ADGRL1: variants seen among roughly 807,000 people sequenced by gnomAD.
ADGRL1 encodes adhesion G protein-coupled receptor L1, also known as CIRL-1.
ADGRL1 carries 31 observed loss-of-function variants against 148.9 expected under a neutral mutation model. That is an observed-to-expected ratio of 0.21 (90% confidence interval 0.16 to 0.28). The LOEUF (loss-of-function observed/expected upper bound fraction) is 0.28. ADGRL1 is among the 10% of genes least tolerant of loss of function. The pLI, the probability that ADGRL1 is intolerant of heterozygous loss-of-function variation, is 1.00. For missense variants in ADGRL1, 1,521 were observed against 2,058.8 expected (o/e 0.74, Z 5.05); for synonymous variants, 937 against 900.3 (o/e 1.04, Z -0.73).
intron 1 of ADGRL1, chr19:14,191,399 A>G (rs1971930434): frequency 2.2e-6 from 1 of 456,612 alleles, no homozygotes; most frequent in African/African-American, 2.0e-5. Context: ...GCTGTGCAAC[A>G]GGACAAATTC....
intron 12 of ADGRL1, 137 bp downstream of exon 12, chr19:14,158,201 G>A (rs1968964667): frequency 8.2e-7 from 1 of 1,220,670 alleles, no homozygotes. Flanking sequence ...AGAGCTCTGG[G>A]GACAAATGGC....
In ADGRL1 at chr19:14,155,486, C is replaced by G. The variant is rs765602441; in HGVS notation, c.3167G>C (p.Gly1056Ala). Residue 1056 changes from glycine (G) to alanine (A), a missense_variant, in exon 18 of 23, where the codon GGC (glycine) becomes GCC (alanine). Transcript: ENST00000361434. The surrounding 1 kb of genome is among the most constrained non-coding windows in gnomAD (Gnocchi z 5.0). ...GAGGAGGCCGAAAGCCCAGGTGAGG[C>G]CCAGCAGGAACAGCAGCGCGATGGC... The part of the protein sequence containing the change: ...LGAIALLFLL[G>A]LTWAFGLLFI... 11 of 1,613,968 alleles carry G rather than the reference C, an allele frequency of 6.8e-6. No individual in the cohort carries two copies. Among genetic ancestry groups the G allele is most frequent in the Non-Finnish European group, 8.5e-6 (10 of 1,179,972 alleles).
Position 14,183,680 on chromosome 19 carries a change from A to G in ADGRL1, c.-78T>C. 7.7e-7 allele frequency: 1 copy of G among 1,306,718 alleles called. No individual in the cohort carries two copies. Among genetic ancestry groups the G allele is most frequent in the Non-Finnish European group, 1.1e-6 (1 of 939,894 alleles). The allele number at this position is 1,306,718 out of a possible 1,614,324, so 80.9% of individuals were successfully genotyped here. The stretch of plus-strand genomic sequence containing the variant: ...TGCCCCACATCACCTGGCAGGCACC[A>G]CGGCCTGGACCACCAGCCTGGGGGA... On this transcript the variant is annotated 5_prime_UTR_variant, in exon 2 of 23. Coordinates refer to ENST00000361434, the MANE Select transcript of ADGRL1 (RefSeq NM_014921.5).
Position 14,159,059 on chromosome 19 carries a change from C to T in ADGRL1, c.2149+31G>A. ...CTGGGGGGTGGGGGTGGGGCTGCTT[C>T]CCCACCCGAGGCCCCGCCGGGGACA... On this transcript the variant is annotated intron_variant, in intron 11 of 22. Coordinates refer to ENST00000361434, the MANE Select transcript of ADGRL1 (RefSeq NM_014921.5). This position sits in a 1 kb window ranked among gnomAD's most constrained non-coding sequence, Gnocchi z 6.0. The T allele has an allele frequency of 6.2e-7, 1 of 1,611,576 alleles. No homozygotes were observed. Among genetic ancestry groups the T allele is most frequent in the Non-Finnish European group, 8.5e-7 (1 of 1,179,526 alleles).
rs1294442843 is a variant in ADGRL1 at position 14,151,075 on chromosome 19, G to A, written c.4208C>T (p.Ala1403Val). The change falls in exon 23 of 23, where the codon GCC (alanine) becomes GTC (valine). Residue 1403 changes from alanine (A) to valine (V), a missense_variant. Around this residue, in one of 8 missense-constraint regions of ADGRL1, gnomAD observed 390 missense variants for 375.0 expected, o/e 1.04. Coordinates refer to ENST00000361434, the MANE Select transcript of ADGRL1 (RefSeq NM_014921.5). Reference sequence around the variant, plus strand: ...GGGTGCGGGAGGGGGTGGGGGCAGGGCCTCACTGGGCCCCTCAGGGCTGCT... The same window carrying A: ...GGGTGCGGGAGGGGGTGGGGGCAGGACCTCACTGGGCCCCTCAGGGCTGCT... ...PDSSPEGPSEALPPPPPAPPG... is the reference protein window; with the variant it reads ...PDSSPEGPSEVLPPPPPAPPG... 1 of 1,507,600 alleles carries A rather than the reference G, an allele frequency of 6.6e-7. No homozygotes were observed. The highest frequency in any genetic ancestry group is 1.3e-5 in the South Asian group (1 of 76,662). 93.4% of individuals were successfully genotyped at this position (1,507,600 alleles called of 1,614,324 possible). A position where few individuals can be genotyped will look rare whatever the true frequency, so the allele number is the denominator to read the frequency against.
intron 16 of ADGRL1, 59 bp downstream of exon 16, chr19:14,156,599 G>A: frequency 2.1e-6 from 3 of 1,415,196 alleles, no homozygotes; most frequent in Non-Finnish European, 1.9e-6. Context: ...AGGGGCTGGG[G>A]TCAAGGCCAG....
rs1445557543 is a variant in ADGRL1 at position 14,174,534 on chromosome 19, C to CTTT, written c.284+2996_284+2997insAAA. ...GACCCGCTCCTCCCCTGGTAACACA[C>CTTT]ATTTTTTTTTTTTTTTTTTGAGACA... On this transcript the variant is annotated intron_variant, in intron 3 of 22. Coordinates refer to ENST00000361434, the MANE Select transcript of ADGRL1 (RefSeq NM_014921.5). Among the ~76,000 whole-genome samples, 8 of 142,562 alleles carry CTTT rather than the reference C, an allele frequency of 5.6e-5. 1 individual carries two copies. The highest frequency in any genetic ancestry group is 7.3e-5 in the Admixed American group (1 of 13,766). 93.5% of individuals were successfully genotyped at this position (142,562 alleles called of 152,430 possible).
In ADGRL1 at chr19:14,159,158, T is replaced by G. The variant is rs190912325; in HGVS notation, c.2081A>C (p.Gln694Pro). 2.5e-6 allele frequency: 4 copies of G among 1,614,098 alleles called. No individual in the cohort carries two copies. The highest frequency in any genetic ancestry group is 1.7e-6 in the Non-Finnish European group (2 of 1,179,988). The stretch of plus-strand genomic sequence containing the variant: ...GGAGTTCTTTCTCGGGTACTCCTCC[T>G]GGGGGAACACCAGCTCCTGCACCTG... ...EGQVQELVFP[Q>P]EEYPRKNSIQ... The change falls in exon 11 of 23, where the codon CAG becomes CCG. Residue 694 changes from glutamine (Q) to proline (P), a missense_variant. By Grantham distance (76) the Gln-to-Pro change is moderately conservative. Transcript: ENST00000361434. This position sits in a 1 kb window ranked among gnomAD's most constrained non-coding sequence, Gnocchi z 6.0.
At chr19:14,182,513 G>A (rs906086397) in intron 2 of ADGRL1, among the ~76,000 whole-genome samples, 2 of 152,224 alleles carry the variant, frequency 1.3e-5, no homozygotes, top group Non-Finnish European at 1.5e-5. Flanking sequence ...AGAGATCTGG[G>A]TGGGTACCCC....
chr19:14,194,282 G>C (rs1972123296), intron 1 of ADGRL1, among the ~76,000 whole-genome samples: 1 of 152,186 alleles, frequency 6.6e-6, no homozygotes, highest in Non-Finnish European at 1.5e-5. Flanking sequence ...ATTTGTTGTG[G>C]GAGCCTAGGA....
rs1968844461 is a variant in ADGRL1 at position 14,157,111 on chromosome 19, T to A, written c.2780A>T (p.Tyr927Phe). ...CCAGGAGAAGGCAGCCAGGAAGAAA[T>A]AGTGCAGCAGGCCGGCGAAGATGGG... ...ACPIFAGLLH[Y>F]FFLAAFSWLC... is the part of the protein sequence containing the mutation. The change falls in exon 15 of 23, where the codon TAT becomes TTT. Residue 927 changes from tyrosine to phenylalanine, a missense_variant. Transcript: ENST00000361434. The surrounding 1 kb of genome is among the most constrained non-coding windows in gnomAD (Gnocchi z 7.5). 1 of 1,613,352 alleles carries A rather than the reference T, an allele frequency of 6.2e-7. No homozygotes were observed. Among genetic ancestry groups the A allele is most frequent in the African/African-American group, 1.3e-5 (1 of 74,648 alleles).
At chr19:14,183,212 A>AGAGAGAGAGAGAGC (rs71172403) in intron 2 of ADGRL1, among the ~76,000 whole-genome samples, 7,547 of 151,002 alleles carry the variant, frequency 0.05, 259 homozygotes, top group Non-Finnish European at 0.078. Context: ...AGAGAGAGAG[A>AGAGAGAGAGAGAGC]GAGAGCGAGA....
In ADGRL1 at chr19:14,162,931, C is replaced by T. The variant is rs746641612; in HGVS notation, c.870G>A (p.Leu290=). The T allele has an allele frequency of 9.3e-6, 15 of 1,613,368 alleles. No individual in the cohort carries two copies. The Admixed American group carries it at 2.5e-4, about 27-fold the overall frequency. ...CCTCAAAGCGCAGTGTGTAGGGGTTCAGCTGGCTCACCACCAGCCGCCCGT... is the reference window on the plus strand; with the variant it reads ...CCTCAAAGCGCAGTGTGTAGGGGTTTAGCTGGCTCACCACCAGCCGCCCGT... ...GNNGRLVVSQ[L]NPYTLRFEGT... is the part of the protein sequence containing the mutation. The change falls in exon 5 of 23, where the codon CTG becomes CTA. Residue 290 remains leucine, a synonymous_variant. Transcript: ENST00000361434. This position sits in a 1 kb window ranked among gnomAD's most constrained non-coding sequence, Gnocchi z 5.4.
At chr19:14,197,437 G>A (rs368384988) in intron 1 of ADGRL1, among the ~76,000 whole-genome samples, 17 of 151,574 alleles carry the variant, frequency 1.1e-4, no homozygotes, top group East Asian at 7.8e-4. Flanking sequence ...AGGTCAGAAC[G>A]ATCTTTGCAA....
chr19:14,156,900 G>T (rs763860535), intron 15 of ADGRL1, 25 bp downstream of exon 15: 1 of 1,603,976 alleles, frequency 6.2e-7, no homozygotes, highest in Non-Finnish European at 8.5e-7. Flanking sequence ...GTGGGAGGGT[G>T]CAGGGCTGGG....
chr19:14,152,718 C>T lies in ADGRL1; in HGVS notation c.3423+66G>A. The T allele has an allele frequency of 6.2e-7, 1 of 1,601,326 alleles. No individual in the cohort carries two copies. Among genetic ancestry groups the T allele is most frequent in the Admixed American group, 1.7e-5 (1 of 59,734 alleles). ...TCACGATCAGAAACCTAGGCCAAGC[C>T]ACTCCCCACCTCTCAGGCTCCAGGT... is the stretch of plus-strand genomic sequence containing the variant. On this transcript the variant is annotated intron_variant, in intron 19 of 22. Transcript: ENST00000361434. This position sits in a 1 kb window ranked among gnomAD's most constrained non-coding sequence, Gnocchi z 6.1.
rs1968643362 is a variant in ADGRL1, at chr19:14,155,575, G to T, written c.3126-48C>A. 4.4e-6 allele frequency: 7 copies of T among 1,596,612 alleles called. No homozygotes were observed. The South Asian group carries it at 7.7e-5, about 18-fold the overall frequency. ...GTCAAAGTACCCGCCGGAGGGGACGGCCTCAGCCCAGGCCTCCCCTGCAGC... is the reference window on the plus strand; with the variant it reads ...GTCAAAGTACCCGCCGGAGGGGACGTCCTCAGCCCAGGCCTCCCCTGCAGC... On this transcript the variant is annotated intron_variant, in intron 17 of 22. Transcript: ENST00000361434. The surrounding 1 kb of genome is among the most constrained non-coding windows in gnomAD (Gnocchi z 5.0).
At chr19:14,181,644 C>T (rs1897611) in intron 2 of ADGRL1, among the ~76,000 whole-genome samples, 24 of 151,318 alleles carry the variant, frequency 1.6e-4, no homozygotes, top group Admixed American at 1.3e-4. Flanking sequence ...CGCTTGAACC[C>T]GGGAGGCAGA....
intron 1 of ADGRL1, among the ~76,000 whole-genome samples, chr19:14,184,863 T>C (rs1971487829): frequency 6.6e-6 from 1 of 151,866 alleles, no homozygotes. Context: ...ATGGTCTCTA[T>C]CTCCTGACCT....
Sources: allele counts gnomAD v4.1 joint callset (sites outside exome capture counted in the v4.1 genomes callset), GRCh38; gene constraint gnomAD v4.1.1; regional missense constraint gnomAD v4.1.1; non-coding constraint Gnocchi (gnomAD v3.1); transcripts MANE v1.5; gene names NCBI Gene and HGNC (gene_info 2026-07-23, HGNC 2026-07-21).